The following OXR1 variants were observed in gnomAD, a reference collection of about 807,000 sequenced individuals.
OXR1 encodes oxidation resistance protein 1.
A neutral mutation model predicts 104.6 loss-of-function variants in OXR1; 41 were observed. The ratio of observed to expected loss-of-function variants is 0.39; its 90% CI spans 0.31 to 0.51. The LOEUF (loss-of-function observed/expected upper bound fraction) is 0.51, where lower values mean the gene tolerates loss of function less well. OXR1 is among the 20% of genes least tolerant of loss of function. The pLI, the probability that OXR1 is intolerant of heterozygous loss-of-function variation, is 0.77. For missense variants in OXR1, 955 were observed against 1,031.9 expected, an observed-to-expected ratio of 0.93 and a Z score of 1.02; for synonymous variants, 348 against 348.4, an observed-to-expected ratio of 1.00 and a Z score of 0.01.
chr8:106,615,532 C>T (rs1318594646), intron 3 of OXR1, among the ~76,000 whole-genome samples: 1 of 149,714 alleles, frequency 6.7e-6, no homozygotes, highest in Non-Finnish European at 1.5e-5. Flanking sequence ...GGCTTGAGCC[C>T]AGGAGGCAGA....
chr8:106,416,019 C>T (rs1460505989), intron 2 of OXR1, among the ~76,000 whole-genome samples: 1 of 152,024 alleles, frequency 6.6e-6, no homozygotes, highest in Non-Finnish European at 1.5e-5. Flanking sequence ...GAACAGAGTC[C>T]CTCTCTTAGA....
chr8:106,617,291 C>T lies in OXR1; in HGVS notation c.221-61919C>T, dbSNP rs1018496411. 7.9e-5 allele frequency among the ~76,000 whole-genome samples: 12 copies of T among 152,094 alleles called. 1 individual carries two copies. The highest frequency in any genetic ancestry group is 1.2e-4 in the Non-Finnish European group (8 of 68,016). ...TACAAAAATTAGCCGGGCATGATGG[C>T]GTGTGCCTGTAGACCCAGCTCCTCA... On this transcript the variant is annotated intron_variant, in intron 3 of 16. Transcript: ENST00000517566.
chr8:106,309,433 T>C (rs2130125343), intron 1 of OXR1, among the ~76,000 whole-genome samples: 1 of 152,302 alleles, frequency 6.6e-6, no homozygotes, highest in East Asian at 1.9e-4. Flanking sequence ...ACATAGACGA[T>C]AAATTAGCAG....
At chr8:106,738,657 AAG>A in intron 12 of OXR1, among the ~76,000 whole-genome samples, 1 of 151,480 alleles carries the variant, frequency 6.6e-6, no homozygotes, top group South Asian at 2.1e-4. Context: ...TAATATTAAA[AAG>A]TAAGCACCAA....
intron 3 of OXR1, among the ~76,000 whole-genome samples, chr8:106,613,461 C>T (rs1820963857): frequency 6.6e-6 from 1 of 152,178 alleles, no homozygotes; most frequent in South Asian, 2.1e-4. Context: ...TGCAATGGCA[C>T]GATCTCGGCT....
chr8:106,485,258 C>T (rs1226112122), intron 2 of OXR1, among the ~76,000 whole-genome samples: 1 of 152,076 alleles, frequency 6.6e-6, no homozygotes, highest in Non-Finnish European at 1.5e-5. Flanking sequence ...CATCACTATA[C>T]ATTCTTCCAA....
Position 106,751,024 on chromosome 8 carries a change from A to G in OXR1, c.*83A>G, listed in dbSNP as rs190102270. 3.1e-6 allele frequency: 3 copies of G among 960,084 alleles called. No individual in the cohort carries two copies. Among genetic ancestry groups the G allele is most frequent in the Non-Finnish European group, 3.1e-6 (2 of 638,904 alleles). 59.5% of individuals were successfully genotyped at this position (960,084 alleles called of 1,614,324 possible). On this transcript the variant is annotated 3_prime_UTR_variant, in exon 17 of 17. Coordinates refer to ENST00000517566, the MANE Select transcript of OXR1 (RefSeq NM_001198533.2). ...GTTTGGAAAGTTCAAGAAGCAATAC[A>G]GTGTAACATGTCACTTGTGCTTTAA...
At chr8:106,304,546 A>G (rs1813395529) in intron 1 of OXR1, among the ~76,000 whole-genome samples, 2 of 152,182 alleles carry the variant, frequency 1.3e-5, no homozygotes, top group Admixed American at 1.3e-4. Flanking sequence ...AAAAAAGTAA[A>G]AAGAAGTAGG....
At chr8:106,626,872 A>G (rs1439284026) in intron 3 of OXR1, among the ~76,000 whole-genome samples, 3 of 151,578 alleles carry the variant, frequency 2.0e-5, no homozygotes, top group Non-Finnish European at 4.4e-5. Flanking sequence ...TCATGATTTT[A>G]ATGTGCTCAA....
chr8:106,315,040 T>G (rs976618685), intron 1 of OXR1, among the ~76,000 whole-genome samples: 47 of 134,732 alleles, frequency 3.5e-4, no homozygotes, highest in Non-Finnish European at 4.8e-4. Context: ...AGAGGTTTAG[T>G]TTTTTTTTTG....
chr8:106,325,790 A>AT (rs1814446281), intron 1 of OXR1, among the ~76,000 whole-genome samples: 1 of 152,248 alleles, frequency 6.6e-6, no homozygotes, highest in Non-Finnish European at 1.5e-5. Context: ...TTATGCAAAT[A>AT]TGCATAGATT....
intron 2 of OXR1, among the ~76,000 whole-genome samples, chr8:106,364,738 A>C (rs1204661668): frequency 6.6e-6 from 1 of 152,232 alleles, no homozygotes; most frequent in African/African-American, 2.4e-5. Flanking sequence ...TTAATGAATA[A>C]ATGAAGAAGT....
rs201667252 is a variant in OXR1 at position 106,319,398 on chromosome 8, A to G, written c.-138-40078A>G. Among the ~76,000 whole-genome samples, 4 of 152,228 alleles carry G rather than the reference A, an allele frequency of 2.6e-5. No homozygotes were observed. The East Asian group carries it at 5.8e-4, about 22-fold the overall frequency. On this transcript the variant is annotated intron_variant, in intron 1 of 16. Coordinates refer to ENST00000517566, the MANE Select transcript of OXR1 (RefSeq NM_001198533.2). ...TTCAGACTGATTATTGGCCAACTTT[A>G]TATCCAGAAGGAAAGCAATTTAACA...
intron 2 of OXR1, among the ~76,000 whole-genome samples, chr8:106,390,836 A>G (rs182855533): frequency 1.3e-5 from 2 of 152,130 alleles, no homozygotes; most frequent in African/African-American, 4.8e-5. Context: ...CACACATAAG[A>G]CTCTCCAATA....
intron 3 of OXR1, among the ~76,000 whole-genome samples, chr8:106,526,701 C>T (rs1813704155): frequency 6.6e-6 from 1 of 152,186 alleles, no homozygotes; most frequent in Non-Finnish European, 1.5e-5. Flanking sequence ...CGCCACCACG[C>T]CCGGCTAATT....
intron 3 of OXR1, among the ~76,000 whole-genome samples, chr8:106,585,909 G>T (rs1818594001): frequency 6.6e-6 from 1 of 152,152 alleles, no homozygotes; most frequent in Non-Finnish European, 1.5e-5. Flanking sequence ...TGAACAACAG[G>T]AGAATATATG....
Position 106,710,829 on chromosome 8 carries a change from A to C in OXR1, c.1793+39A>C, listed in dbSNP as rs977144088. On this transcript the variant is annotated intron_variant, in intron 10 of 16. Coordinates refer to ENST00000517566, the MANE Select transcript of OXR1 (RefSeq NM_001198533.2). Reference sequence around the variant, plus strand: ...ACGACACCTTGAGAGCATTATTGAGATTCTTTGAACTAAAATTATTTTGTG... The same window carrying C: ...ACGACACCTTGAGAGCATTATTGAGCTTCTTTGAACTAAAATTATTTTGTG... 11 of 1,270,778 alleles carry C rather than the reference A, an allele frequency of 8.7e-6. No homozygotes were observed. The Admixed American group carries it at 8.7e-5, about 10-fold the overall frequency. 78.7% of individuals were successfully genotyped at this position (1,270,778 alleles called of 1,614,324 possible). A position where few individuals can be genotyped will look rare whatever the true frequency, so the allele number is the denominator to read the frequency against.
At chr8:106,693,381 C>G (rs1289365048) in intron 7 of OXR1, among the ~76,000 whole-genome samples, 1 of 149,250 alleles carries the variant, frequency 6.7e-6, no homozygotes, top group African/African-American at 2.5e-5. Context: ...TTAATAGGTC[C>G]AAGATCTCTC....
intron 3 of OXR1, among the ~76,000 whole-genome samples, chr8:106,531,978 C>T (rs938010963): frequency 6.6e-6 from 1 of 152,140 alleles, no homozygotes; most frequent in Non-Finnish European, 1.5e-5. Context: ...CACCTCCACC[C>T]CTATATAAGC....
Sources: allele counts gnomAD v4.1 joint callset (sites outside exome capture counted in the v4.1 genomes callset), GRCh38; gene constraint gnomAD v4.1.1; transcripts MANE v1.5; gene names NCBI Gene and HGNC (gene_info 2026-07-23, HGNC 2026-07-21).